The following MYO18A variants were observed in gnomAD, a reference collection of about 807,000 sequenced individuals.
MYO18A encodes the protein myosin XVIIIA, also known as unconventional myosin-XVIIIa.
In MYO18A, 78 loss-of-function variants were observed where a neutral mutation model predicts 235.8. The ratio of observed to expected loss-of-function variants is 0.33; its 90% CI spans 0.28 to 0.40. MYO18A has a LOEUF of 0.40. Among genes scored for constraint, MYO18A ranks in the 10% least tolerant of loss-of-function variants. MYO18A has a pLI of 1.00. For missense variants in MYO18A, 2,215 were observed against 2,699.3 expected (o/e 0.82, Z 3.98); for synonymous variants, 977 against 1,077.8 (o/e 0.91, Z 1.83).
At chr17:29,097,691 G>T in intron 26 of MYO18A, 97 bp downstream of exon 26, 1 of 1,046,248 alleles carries the variant, frequency 9.6e-7, no homozygotes, top group Non-Finnish European at 1.4e-6. Context: ...GCCCCATGGA[G>T]GGGAGACAGG....
At position 29,121,985 on chromosome 17, in the gene MYO18A, T is replaced by C; in HGVS notation, c.1088-28A>G. 1.2e-6 allele frequency: 2 copies of C among 1,610,366 alleles called. No homozygotes were observed. The highest frequency in any genetic ancestry group is 1.7e-6 in the Non-Finnish European group (2 of 1,176,978). ...GCAGGGGAGGGACAGACAGCTGGGATGGGCCTGGGAAGCCTCTGCTACTCC... is the reference window on the plus strand; with the variant it reads ...GCAGGGGAGGGACAGACAGCTGGGACGGGCCTGGGAAGCCTCTGCTACTCC... On this transcript the variant is annotated intron_variant, in intron 3 of 41. Transcript: ENST00000527372. The surrounding 1 kb of genome is among the most constrained non-coding windows in gnomAD (Gnocchi z 4.2).
intron 31 of MYO18A, 127 bp downstream of exon 31, chr17:29,093,853 C>T (rs753595995): frequency 4.7e-5 from 32 of 683,450 alleles, no homozygotes; most frequent in South Asian, 3.5e-4. Flanking sequence ...TCCCGAGAGG[C>T]GCTTCCTGGC....
intron 2 of MYO18A, among the ~76,000 whole-genome samples, chr17:29,144,485 T>C (rs2152933420): frequency 6.6e-6 from 1 of 152,322 alleles, no homozygotes; most frequent in Admixed American, 6.5e-5. Context: ...GCAAAGAACG[T>C]GGGCTTGGCA....
At chr17:29,160,894 A>AC (rs1015251425) in intron 2 of MYO18A, among the ~76,000 whole-genome samples, 11 of 151,786 alleles carry the variant, frequency 7.2e-5, no homozygotes, top group African/African-American at 1.5e-4. Context: ...TTCCTTTAAG[A>AC]CCCCCTCTCC....
chr17:29,073,756 T>G lies in MYO18A; in HGVS notation c.*1014A>C. ...GATAAGTGTGTGGGGGCAGGGAGGT[T>G]GGAAGAATGACACGGGCTCAGGACA... On this transcript the variant is annotated 3_prime_UTR_variant, in exon 42 of 42. Coordinates refer to ENST00000527372, the MANE Select transcript of MYO18A (RefSeq NM_078471.4). 1.6e-6 allele frequency: 2 copies of G among 1,277,930 alleles called. No individual in the cohort carries two copies. Among genetic ancestry groups the G allele is most frequent in the South Asian group, 2.9e-5 (2 of 68,816 alleles). 79.2% of individuals were successfully genotyped at this position (1,277,930 alleles called of 1,614,324 possible). A position where few individuals can be genotyped will look rare whatever the true frequency, so the allele number is the denominator to read the frequency against.
chr17:29,128,785 A>ACTGT (rs1363468006), intron 2 of MYO18A, among the ~76,000 whole-genome samples: 1 of 152,214 alleles, frequency 6.6e-6, no homozygotes, highest in African/African-American at 2.4e-5. Context: ...ATCAGGTACT[A>ACTGT]CTGTCACCTG....
chr17:29,155,451 G>GGGCCT (rs2068047109), intron 2 of MYO18A: 1 of 152,368 alleles, frequency 6.6e-6, no homozygotes, highest in Non-Finnish European at 1.5e-5. Context: ...GCTTGCCCCA[G>GGGCCT]GGCCTGGCAG....
rs111987450 is a variant in MYO18A at position 29,118,687 on chromosome 17, G to A, written c.1830-247C>T. Among the ~76,000 whole-genome samples, 2,577 of 152,372 alleles carry A rather than the reference G, an allele frequency of 0.017. 42 individuals carry two copies. The highest frequency in any genetic ancestry group is 0.042 in the South Asian group (204 of 4,830). ...GGTGAGAGGATGCAACCTGGCCCCC[G>A]GAAGGGAGCAGGGAACCTGCCCGAA... On this transcript the variant is annotated intron_variant, in intron 8 of 41. Coordinates refer to ENST00000527372, the MANE Select transcript of MYO18A (RefSeq NM_078471.4). The surrounding 1 kb of genome is among the most constrained non-coding windows in gnomAD (Gnocchi z 4.2).
Position 29,121,023 on chromosome 17 carries a change from G to A in MYO18A, c.1560C>T (p.Gly520=), listed in dbSNP as rs1482779714. Residue 520 remains glycine, a synonymous_variant, in exon 6 of 42, where the codon GGC becomes GGT. Transcript: ENST00000527372. This position sits in a 1 kb window ranked among gnomAD's most constrained non-coding sequence, Gnocchi z 4.2. ...CAGAAAACACCTTGTTCCCGCTGATGCCCGCGATGGTGGCCAGGTACTGCA... is the reference window on the plus strand; with the variant it reads ...CAGAAAACACCTTGTTCCCGCTGATACCCGCGATGGTGGCCAGGTACTGCA... ...HLVQYLATIA[G]ISGNKVFSVE... is the part of the protein sequence containing the mutation. 1.2e-6 allele frequency: 2 copies of A among 1,612,270 alleles called. No individual in the cohort carries two copies. The highest frequency in any genetic ancestry group is 1.7e-5 in the Admixed American group (1 of 59,824).
At chr17:29,156,430 G>T (rs1357621953) in intron 2 of MYO18A, among the ~76,000 whole-genome samples, 1 of 152,190 alleles carries the variant, frequency 6.6e-6, no homozygotes, top group Admixed American at 6.5e-5. Context: ...TGCCCACAGA[G>T]CTGCCTCTCC....
chr17:29,129,148 C>T, intron 2 of MYO18A: 1 of 1,285,844 alleles, frequency 7.8e-7, no homozygotes, highest in Non-Finnish European at 1.0e-6. Flanking sequence ...GGGAGCTCTT[C>T]CTGGCCCCAA....
chr17:29,090,496 C>T (rs957777095), intron 36 of MYO18A, 36 bp downstream of exon 36: 12 of 1,546,380 alleles, frequency 7.8e-6, no homozygotes, highest in Middle Eastern at 3.3e-4. Flanking sequence ...GTGACCCTGG[C>T]ACTCTCTCTC....
At position 29,090,898 on chromosome 17, in the gene MYO18A, C is replaced by G. The variant is rs199562933; in HGVS notation, c.5216G>C (p.Arg1739Pro). The change falls in exon 35 of 42, where the codon CGT (arginine) becomes CCT (proline). Residue 1739 changes from arginine (R) to proline (P), a missense_variant. Coordinates refer to ENST00000527372, the MANE Select transcript of MYO18A (RefSeq NM_078471.4). ...ALEEQLSRLQ[R>P]EKNEIQNRLE... ...CCGGTTCTGGATCTCATTCTTCTCA[C>G]GCTGAAGGCGGCTCAGCTGCTCCTC... is the stretch of plus-strand genomic sequence containing the variant. 2 of 1,613,898 alleles carry G rather than the reference C, an allele frequency of 1.2e-6. No homozygotes were observed. Among genetic ancestry groups the G allele is most frequent in the Non-Finnish European group, 1.7e-6 (2 of 1,179,906 alleles).
intron 12 of MYO18A, 61 bp from the exon 13 acceptor site, chr17:29,115,502 C>A: frequency 6.4e-7 from 1 of 1,566,268 alleles, no homozygotes; most frequent in South Asian, 1.2e-5. Flanking sequence ...CTGGGTAAGC[C>A]CCTGACCTGC....
chr17:29,076,284 T>G (rs1453268852), intron 41 of MYO18A: 1 of 138,314 alleles, frequency 7.2e-6, no homozygotes, highest in African/African-American at 2.8e-5. Flanking sequence ...CTCTTAGACC[T>G]CAAAGACTTT....
intron 2 of MYO18A, chr17:29,133,722 C>T: frequency 2.7e-6 from 3 of 1,128,864 alleles, no homozygotes; most frequent in Non-Finnish European, 3.6e-6. Context: ...CCCTCTCCCA[C>T]AAGCCAGTCT....
In MYO18A at chr17:29,118,062, GC is replaced by G; in HGVS notation, c.2020del (p.Ala674LeufsTer73). ...CAGGTTACCTTTGGTGGCTCCCGCA[GC>G]CCCCAGGTGGTAGATGGCAGCCAGA... ...FILAAIYHLG[A>X]AGATKEAAEA... On this transcript the variant is annotated frameshift_variant, in exon 10 of 42. Coordinates refer to ENST00000527372, the MANE Select transcript of MYO18A (RefSeq NM_078471.4). LOFTEE classifies it high-confidence loss of function. This position sits in a 1 kb window ranked among gnomAD's most constrained non-coding sequence, Gnocchi z 4.2. The G allele has an allele frequency of 1.3e-6, 2 of 1,585,382 alleles. No homozygotes were observed. Among genetic ancestry groups the G allele is most frequent in the Non-Finnish European group, 1.7e-6 (2 of 1,165,852 alleles).
chr17:29,178,243 G>C (rs1429539040), intron 1 of MYO18A, among the ~76,000 whole-genome samples: 1 of 152,184 alleles, frequency 6.6e-6, no homozygotes, highest in Admixed American at 6.5e-5. Context: ...CTGGGGCGCA[G>C]GAGGAAGCCC....
Position 29,074,388 on chromosome 17 carries a change from C to T in MYO18A, c.*382G>A. On this transcript the variant is annotated 3_prime_UTR_variant, in exon 42 of 42. Coordinates refer to ENST00000527372, the MANE Select transcript of MYO18A (RefSeq NM_078471.4). The surrounding 1 kb of genome is among the most constrained non-coding windows in gnomAD (Gnocchi z 4.4). ...TCCTCCCCCAATCCTCCCCATGGAC[C>T]CAGCAACCTAGAGTGTCCCAGTAGG... 1.6e-6 allele frequency: 1 copy of T among 643,138 alleles called. No homozygotes were observed. Among genetic ancestry groups the T allele is most frequent in the Non-Finnish European group, 2.7e-6 (1 of 368,314 alleles). The allele number at this position is 643,138 out of a possible 1,614,324, so 39.8% of individuals were successfully genotyped here. A position where few individuals can be genotyped will look rare whatever the true frequency, so the allele number is the denominator to read the frequency against.
Sources: allele counts gnomAD v4.1 joint callset (sites outside exome capture counted in the v4.1 genomes callset), GRCh38; gene constraint gnomAD v4.1.1; non-coding constraint Gnocchi (gnomAD v3.1); transcripts MANE v1.5; gene names NCBI Gene and HGNC (gene_info 2026-07-23, HGNC 2026-07-21).